The following EXOC4 variants were observed in gnomAD, a reference collection of about 807,000 sequenced individuals.
EXOC4 encodes SEC8-like 1.
Under a neutral mutation model 107.2 loss-of-function variants are expected in EXOC4, and 71 were observed. The observed-to-expected ratio is 0.66, with a 90% CI of 0.55 to 0.81. The LOEUF is 0.81. EXOC4 is among the 30% of genes least tolerant of loss of function. The pLI, the probability that EXOC4 is intolerant of heterozygous loss-of-function variation, is 0.00. For synonymous variants in EXOC4, 456 were observed against 441.2 expected (o/e 1.03, Z -0.42); for missense variants, 1,108 against 1,189.6 (o/e 0.93, Z 1.01).
At chr7:133,626,405 T>C (rs117131234) in intron 9 of EXOC4, among the ~76,000 whole-genome samples, 10 of 152,324 alleles carry the variant, frequency 6.6e-5, no homozygotes, top group Non-Finnish European at 1.2e-4. Context: ...AATATTTTCA[T>C]TGGGTTGGCT....
intron 11 of EXOC4, among the ~76,000 whole-genome samples, chr7:133,866,230 T>C (rs2116368467): frequency 6.6e-6 from 1 of 152,332 alleles, no homozygotes; most frequent in South Asian, 2.1e-4. Context: ...GAGCGACTTC[T>C]CAAGTCACAG....
At chr7:133,485,075 G>A (rs1185339529) in intron 9 of EXOC4, among the ~76,000 whole-genome samples, 6 of 30,806 alleles carry the variant, frequency 1.9e-4, no homozygotes, top group African/African-American at 5.0e-4. Context: ...GCGAGACTCC[G>A]TCTCAAAAAA....
intron 14 of EXOC4, among the ~76,000 whole-genome samples, chr7:133,946,884 C>T (rs989921019): frequency 3.9e-5 from 6 of 152,198 alleles, no homozygotes; most frequent in Non-Finnish European, 7.4e-5. Context: ...CCTTTCCTGT[C>T]ATTGAGTGTC....
rs537400413 is a variant in EXOC4, at chr7:133,571,904, A to T, written c.1418-58141A>T. Reference sequence around the variant, plus strand: ...AACATAATCTCATTCATAAGTGAGGACCCTCATGGCCTAATCACTTCCGAA... The same window carrying T: ...AACATAATCTCATTCATAAGTGAGGTCCCTCATGGCCTAATCACTTCCGAA... On this transcript the variant is annotated intron_variant, in intron 9 of 17. Coordinates refer to ENST00000253861, the MANE Select transcript of EXOC4 (RefSeq NM_021807.4). Among the ~76,000 whole-genome samples, 8 of 152,246 alleles carry T rather than the reference A, an allele frequency of 5.3e-5. No individual in the cohort carries two copies. The South Asian group carries it at 1.7e-3, about 32-fold the overall frequency.
intron 9 of EXOC4, among the ~76,000 whole-genome samples, chr7:133,617,110 C>A (rs574857803): frequency 6.6e-6 from 1 of 152,050 alleles, no homozygotes; most frequent in South Asian, 2.1e-4. Flanking sequence ...TATTATATAT[C>A]ATTATATTTC....
At chr7:133,544,713 A>G (rs973884219) in intron 9 of EXOC4, among the ~76,000 whole-genome samples, 20 of 142,908 alleles carry the variant, frequency 1.4e-4, no homozygotes, top group African/African-American at 4.4e-4. Flanking sequence ...TTTTTAACCA[A>G]ATCGAGGGAA....
chr7:133,356,679 A>G, intron 6 of EXOC4, 106 bp downstream of exon 6: 1 of 1,332,064 alleles, frequency 7.5e-7, no homozygotes, highest in East Asian at 2.5e-5. Flanking sequence ...TCTTGAACTT[A>G]GGATACTATA....
chr7:133,766,688 A>G (rs1055305990), intron 10 of EXOC4, among the ~76,000 whole-genome samples: 3 of 152,004 alleles, frequency 2.0e-5, no homozygotes, highest in African/African-American at 4.8e-5. Flanking sequence ...ATCACCTACT[A>G]TAGAAGAGAG....
At chr7:133,559,332 C>T (rs1285128653) in intron 9 of EXOC4, among the ~76,000 whole-genome samples, 1 of 152,078 alleles carries the variant, frequency 6.6e-6, no homozygotes, top group Non-Finnish European at 1.5e-5. Flanking sequence ...TAAGCTTTCT[C>T]TACACTAATA....
intron 10 of EXOC4, among the ~76,000 whole-genome samples, chr7:133,747,112 T>C (rs576076776): frequency 4.0e-4 from 61 of 152,230 alleles, no homozygotes; most frequent in African/African-American, 1.4e-3. Flanking sequence ...CTCTGAATCT[T>C]TGGTTGAAGT....
chr7:133,568,578 TA>T (rs1261314641), intron 9 of EXOC4, among the ~76,000 whole-genome samples: 1 of 152,218 alleles, frequency 6.6e-6, no homozygotes. Flanking sequence ...TTGTTTTATT[TA>T]TGACTTCACT....
chr7:133,722,402 T>A (rs781355609), intron 10 of EXOC4, among the ~76,000 whole-genome samples: 3 of 152,246 alleles, frequency 2.0e-5, no homozygotes, highest in Non-Finnish European at 4.4e-5. Context: ...ATAGTTAATG[T>A]CTTTCTCCTT....
chr7:133,929,546 C>A (rs1178010966), intron 13 of EXOC4, among the ~76,000 whole-genome samples: 2 of 151,958 alleles, frequency 1.3e-5, no homozygotes, highest in African/African-American at 4.8e-5. Context: ...ATTTACTCTT[C>A]TTTATAGTAT....
At chr7:133,846,127 G>T (rs1467855427) in intron 11 of EXOC4, among the ~76,000 whole-genome samples, 2 of 152,026 alleles carry the variant, frequency 1.3e-5, no homozygotes, top group Non-Finnish European at 2.9e-5. Flanking sequence ...AAAAAAATAA[G>T]GGATAAAGTG....
intron 9 of EXOC4, chr7:133,576,496 A>C: frequency 7.8e-7 from 1 of 1,286,218 alleles, no homozygotes; most frequent in Non-Finnish European, 1.0e-6. Context: ...CATTTGATTT[A>C]TTTAAAACGT....
intron 10 of EXOC4, among the ~76,000 whole-genome samples, chr7:133,646,098 A>G (rs1337881928): frequency 6.6e-6 from 1 of 152,144 alleles, no homozygotes; most frequent in Non-Finnish European, 1.5e-5. Context: ...ACATTTGTTT[A>G]ACGTTGCCTG....
At chr7:133,538,521 A>G (rs973122406) in intron 9 of EXOC4, among the ~76,000 whole-genome samples, 2 of 152,134 alleles carry the variant, frequency 1.3e-5, no homozygotes, top group African/African-American at 4.8e-5. Flanking sequence ...ACATGTATGA[A>G]AAAGGATTTG....
At chr7:133,937,799 A>T in intron 13 of EXOC4, 92 bp from the exon 14 acceptor site, 1 of 1,209,192 alleles carries the variant, frequency 8.3e-7, no homozygotes, top group Non-Finnish European at 1.2e-6. Flanking sequence ...TGCTCATGTC[A>T]GTCCTTGTGC....
chr7:133,263,869 A>G (rs1342083475), intron 1 of EXOC4, among the ~76,000 whole-genome samples: 1 of 152,142 alleles, frequency 6.6e-6, no homozygotes, highest in African/African-American at 2.4e-5. Flanking sequence ...CCTCTCCCCT[A>G]GACACTTTAA....
Sources: allele counts gnomAD v4.1 joint callset (sites outside exome capture counted in the v4.1 genomes callset), GRCh38; gene constraint gnomAD v4.1.1; transcripts MANE v1.5; gene names NCBI Gene and HGNC (gene_info 2026-07-23, HGNC 2026-07-21).